Variants in TBC1D1 observed in about 807,000 individuals in gnomAD.
The protein encoded by TBC1D1 is TBC1 (tre-2/USP6, BUB2, cdc16) domain family, member 1.
TBC1D1 carries 89 observed loss-of-function variants against 125.6 expected under a neutral mutation model. The observed-to-expected ratio is 0.71, with a 90% CI of 0.60 to 0.85. The LOEUF (loss-of-function observed/expected upper bound fraction) is 0.85. Among genes scored for constraint, TBC1D1 ranks in the 40% least tolerant of loss-of-function variants. The pLI, the probability that TBC1D1 is intolerant of heterozygous loss-of-function variation, is 0.00. For synonymous variants in TBC1D1, 565 were observed against 564.1 expected, an observed-to-expected ratio of 1.00 and a Z score of -0.02; for missense variants, 1,377 against 1,469.2, an observed-to-expected ratio of 0.94 and a Z score of 1.03.
chr4:38,134,940 G>A (rs960564387), intron 19 of TBC1D1, among the ~76,000 whole-genome samples: 3 of 152,242 alleles, frequency 2.0e-5, no homozygotes, highest in African/African-American at 7.2e-5. Context: ...AGTCCCTGCA[G>A]TGCTGAGTGC....
At position 38,137,132 on chromosome 4, in the gene TBC1D1, C is replaced by A. The variant is rs1235010828; in HGVS notation, c.3307-3C>A. 6.2e-7 allele frequency: 1 copy of A among 1,613,104 alleles called. No homozygotes were observed. The highest frequency in any genetic ancestry group is 1.3e-5 in the African/African-American group (1 of 74,898). On this transcript the variant is annotated splice_polypyrimidine_tract_variant and splice_region_variant and intron_variant, in intron 19 of 19. Coordinates refer to ENST00000261439, the MANE Select transcript of TBC1D1 (RefSeq NM_015173.4). ...TATTCTCATTTCTTCTTTTATTCTC[C>A]AGGTGGCAAATGGTAGGATCCAAAG...
intron 7 of TBC1D1, among the ~76,000 whole-genome samples, chr4:38,035,181 A>G (rs1006326095): frequency 6.6e-6 from 1 of 152,222 alleles, no homozygotes; most frequent in Non-Finnish European, 1.5e-5. Flanking sequence ...GACATAGGAA[A>G]TTATGACACT....
At position 37,973,705 on chromosome 4, in the gene TBC1D1, C is replaced by T. The variant is rs149160177; in HGVS notation, c.418-40804C>T. 1.1e-4 allele frequency among the ~76,000 whole-genome samples: 17 copies of T among 152,308 alleles called. No individual in the cohort carries two copies. In the East Asian group the frequency reaches 1.5e-3, roughly 14 times the overall value. ...GTTGTTGCCTGATAACTCTCTAGGT[C>T]GCTCTCTAGCTGAACTGGTTCATAC... On this transcript the variant is annotated intron_variant, in intron 2 of 19. Coordinates refer to ENST00000261439, the MANE Select transcript of TBC1D1 (RefSeq NM_015173.4).
chr4:37,909,598 G>A (rs910984768), intron 2 of TBC1D1, among the ~76,000 whole-genome samples: 1 of 152,020 alleles, frequency 6.6e-6, no homozygotes, highest in Admixed American at 6.6e-5. Context: ...TTGTTTCTGA[G>A]GGTGATTATT....
At position 38,095,979 on chromosome 4, in the gene TBC1D1, A is replaced by G; in HGVS notation, c.2287A>G (p.Ile763Val). ...GCGCCTGAAGCTCGATTATGAAGAA[A>G]TTACTCCCTGTCTTAAAGAAGTAAC... Residue 763 changes from isoleucine (I) to valine (V), a missense_variant, in exon 14 of 20, where the codon ATT becomes GTT. Ile to Val is a conservative substitution (Grantham distance 29). Coordinates refer to ENST00000261439, the MANE Select transcript of TBC1D1 (RefSeq NM_015173.4). 6.2e-7 allele frequency: 1 copy of G among 1,614,120 alleles called. No homozygotes were observed. Among genetic ancestry groups the G allele is most frequent in the Non-Finnish European group, 8.5e-7 (1 of 1,179,994 alleles).
chr4:38,027,845 A>C lies in TBC1D1; in HGVS notation c.1268A>C (p.Asn423Thr), dbSNP rs74955942. ...CAAAAGCACCTGACGACATTAACCA[A>C]TCAGGAGCAGGCGACTATTTTTGAA... The change falls in exon 7 of 20, where the codon AAT (asparagine) becomes ACT (threonine). Residue 423 changes from asparagine (N) to threonine (T), a missense_variant. Around this residue, in one of 3 missense-constraint regions of TBC1D1, gnomAD observed 822 missense variants for 824.6 expected, o/e 1.00. Transcript: ENST00000261439. 1 of 1,613,694 alleles carries C rather than the reference A, an allele frequency of 6.2e-7. No homozygotes were observed. The highest frequency in any genetic ancestry group is 8.5e-7 in the Non-Finnish European group (1 of 1,179,820).
chr4:38,052,586 C>T (rs942523403), intron 11 of TBC1D1, among the ~76,000 whole-genome samples: 6 of 152,144 alleles, frequency 3.9e-5, no homozygotes, highest in South Asian at 2.1e-4. Flanking sequence ...CCGCCTGCCT[C>T]AGTCTCCCAA....
chr4:37,977,462 C>T lies in TBC1D1; in HGVS notation c.418-37047C>T, dbSNP rs1240219453. On this transcript the variant is annotated intron_variant, in intron 2 of 19. Transcript: ENST00000261439. The surrounding 1 kb of genome is among the most constrained non-coding windows in gnomAD (Gnocchi z 4.3). ...CCCACGGGCCGGCGGCGGGAGTGAGCGGGAGCCGGCGGGCGAAGAGCCGCC... is the reference window on the plus strand; with the variant it reads ...CCCACGGGCCGGCGGCGGGAGTGAGTGGGAGCCGGCGGGCGAAGAGCCGCC... 2 of 985,242 alleles carry T rather than the reference C, an allele frequency of 2.0e-6. No individual in the cohort carries two copies. Among genetic ancestry groups the T allele is most frequent in the African/African-American group, 1.8e-5 (1 of 56,484 alleles). 61.0% of individuals were successfully genotyped at this position (985,242 alleles called of 1,614,324 possible).
intron 2 of TBC1D1, chr4:37,960,790 C>T: frequency 6.2e-7 from 1 of 1,614,148 alleles, no homozygotes; most frequent in Non-Finnish European, 8.5e-7. Context: ...AAATTCTTTC[C>T]CTTCAATCTT....
At chr4:38,101,367 C>G (rs1391318007) in intron 14 of TBC1D1, among the ~76,000 whole-genome samples, 1 of 152,168 alleles carries the variant, frequency 6.6e-6, no homozygotes, top group Non-Finnish European at 1.5e-5. Context: ...TCTTCTTGCT[C>G]TCCCCCTTTC....
chr4:38,056,514 G>T (rs1324982200), intron 12 of TBC1D1, among the ~76,000 whole-genome samples: 1 of 152,150 alleles, frequency 6.6e-6, no homozygotes, highest in Admixed American at 6.5e-5. Flanking sequence ...ATTTAAATTT[G>T]GACTGGTTTC....
chr4:37,989,695 A>C (rs979875320), intron 2 of TBC1D1, among the ~76,000 whole-genome samples: 3 of 152,244 alleles, frequency 2.0e-5, no homozygotes, highest in African/African-American at 7.2e-5. Context: ...TTAGGCCACA[A>C]GTAACTTAGA....
intron 12 of TBC1D1, among the ~76,000 whole-genome samples, chr4:38,086,497 A>T (rs1235048792): frequency 6.6e-6 from 1 of 152,234 alleles, no homozygotes; most frequent in Non-Finnish European, 1.5e-5. Flanking sequence ...TGACCTTTAC[A>T]GTGGATCAGC....
At chr4:37,941,905 C>T (rs1474777482) in intron 2 of TBC1D1, among the ~76,000 whole-genome samples, 1 of 152,170 alleles carries the variant, frequency 6.6e-6, no homozygotes, top group Non-Finnish European at 1.5e-5. Context: ...GTTATAATTT[C>T]TGTTCTTTTA....
intron 3 of TBC1D1, among the ~76,000 whole-genome samples, chr4:38,018,091 G>A (rs983266560): frequency 6.6e-6 from 1 of 152,158 alleles, no homozygotes; most frequent in African/African-American, 2.4e-5. Context: ...GTTTTTAGGG[G>A]GATGTGTGGA....
intron 12 of TBC1D1, among the ~76,000 whole-genome samples, chr4:38,068,552 C>T (rs985676777): frequency 2.0e-5 from 3 of 152,232 alleles, no homozygotes; most frequent in East Asian, 1.9e-4. Flanking sequence ...GTGTATGCCC[C>T]GATGGAGAGC....
At chr4:37,997,010 A>G (rs529430187) in intron 2 of TBC1D1, among the ~76,000 whole-genome samples, 318 of 152,344 alleles carry the variant, frequency 2.1e-3, no homozygotes, top group African/African-American at 7.2e-3. Flanking sequence ...ACTATGAAAT[A>G]TTTTGTTTTT....
intron 15 of TBC1D1, chr4:38,110,706 G>C (rs891801160): frequency 4.1e-6 from 4 of 985,448 alleles, no homozygotes; most frequent in Non-Finnish European, 4.8e-6. Flanking sequence ...ACAGAAAAAT[G>C]TAAAGGACCT....
intron 1 of TBC1D1, among the ~76,000 whole-genome samples, chr4:37,893,600 C>T (rs1713843625): frequency 6.6e-6 from 1 of 152,142 alleles, no homozygotes; most frequent in Admixed American, 6.6e-5. Flanking sequence ...GGGTGGATCA[C>T]TTGAGGTCAG....
Sources: gnomAD v4.1 joint callset for allele counts (sites outside exome capture counted in the v4.1 genomes callset) on GRCh38, gnomAD v4.1.1 for gene constraint, gnomAD v4.1.1 regional missense constraint, Gnocchi (gnomAD v3.1) non-coding constraint, MANE v1.5 for transcripts, NCBI Gene and HGNC (gene_info 2026-07-23, HGNC 2026-07-21) for gene names.